Variants in DTHD1 observed in about 807,000 individuals in gnomAD.
DTHD1 encodes death domain-containing protein 1.
A neutral mutation model predicts 74.8 loss-of-function variants in DTHD1; 59 were observed. That is an observed-to-expected ratio of 0.79 (90% CI 0.64 to 0.98). DTHD1 has a LOEUF of 0.98. Among genes scored for constraint, DTHD1 ranks in the 50% least tolerant of loss-of-function variants. The pLI, the probability that DTHD1 is intolerant of heterozygous loss-of-function variation, is 0.00. For missense variants in DTHD1, 1,051 were observed against 1,065.4 expected, an observed-to-expected ratio of 0.99 and a Z score of 0.19; for synonymous variants, 365 against 371.1, an observed-to-expected ratio of 0.98 and a Z score of 0.19.
At chr4:36,331,465 T>A (rs1161222338) in intron 8 of DTHD1, among the ~76,000 whole-genome samples, 2 of 152,132 alleles carry the variant, frequency 1.3e-5, no homozygotes, top group Non-Finnish European at 2.9e-5. Flanking sequence ...CTGGTAAAAA[T>A]CCATGCTAAA....
intron 9 of DTHD1, among the ~76,000 whole-genome samples, chr4:36,340,470 C>A (rs1759254383): frequency 6.6e-6 from 1 of 152,132 alleles, no homozygotes; most frequent in African/African-American, 2.4e-5. Context: ...AACATTAGGG[C>A]TTGGGTGCAG....
At chr4:36,305,553 A>G (rs1338124450) in intron 5 of DTHD1, among the ~76,000 whole-genome samples, 1 of 152,202 alleles carries the variant, frequency 6.6e-6, no homozygotes, top group African/African-American at 2.4e-5. Flanking sequence ...TATGGAAGCT[A>G]CAGTTCAAAA....
chr4:36,329,609 C>T (rs970363758), intron 8 of DTHD1, among the ~76,000 whole-genome samples: 8 of 152,208 alleles, frequency 5.3e-5, no homozygotes, highest in African/African-American at 1.9e-4. Flanking sequence ...TGATATGACT[C>T]ACAGCAAATA....
chr4:36,283,827 T>A (rs956486489), intron 1 of DTHD1, 149 bp from the exon 2 acceptor site: 29 of 613,194 alleles, frequency 4.7e-5, no homozygotes, highest in Non-Finnish European at 7.9e-5. Flanking sequence ...TACAATTACT[T>A]CTCCTTCAGG....
At chr4:36,322,970 C>T (rs182043422) in intron 8 of DTHD1, among the ~76,000 whole-genome samples, 9 of 152,218 alleles carry the variant, frequency 5.9e-5, no homozygotes, top group Admixed American at 5.9e-4. Flanking sequence ...TGACTATATG[C>T]CATTTGCTTA....
intron 8 of DTHD1, among the ~76,000 whole-genome samples, chr4:36,328,386 T>C (rs1354084550): frequency 2.0e-5 from 3 of 152,204 alleles, no homozygotes; most frequent in African/African-American, 4.8e-5. Flanking sequence ...TGTGTAATTA[T>C]AAGAAAGTTC....
chr4:36,282,079 G>C (rs1755434154), intron 1 of DTHD1, 50 bp downstream of exon 1: 1 of 1,458,586 alleles, frequency 6.9e-7, no homozygotes, highest in Non-Finnish European at 9.2e-7. Flanking sequence ...ATATTGATTA[G>C]GGCAAGATCT....
rs370084730 is a variant in DTHD1 at position 36,329,523 on chromosome 4, A to G, written c.2341-9589A>G. Among the ~76,000 whole-genome samples the G allele has an allele frequency of 3.4e-4, 52 of 152,340 alleles. No homozygotes were observed. The South Asian group carries it at 0.01, about 30-fold the overall frequency. Reference sequence around the variant, plus strand: ...GCTCCTTGCATTTTGTTTATGACTTATCATTCATACCCCCTAAAATGTTAT... The same window carrying G: ...GCTCCTTGCATTTTGTTTATGACTTGTCATTCATACCCCCTAAAATGTTAT... On this transcript the variant is annotated intron_variant, in intron 8 of 9. Transcript: ENST00000639862.
intron 8 of DTHD1, among the ~76,000 whole-genome samples, chr4:36,328,556 T>C (rs1300839994): frequency 2.0e-5 from 3 of 152,172 alleles, no homozygotes; most frequent in Non-Finnish European, 4.4e-5. Context: ...AGAGAAAATA[T>C]ACAATGAACC....
intron 5 of DTHD1, among the ~76,000 whole-genome samples, chr4:36,302,133 T>A (rs1756813667): frequency 6.6e-6 from 1 of 152,228 alleles, no homozygotes; most frequent in African/African-American, 2.4e-5. Flanking sequence ...GAGAGTTTTC[T>A]TGTTTTTCCT....
intron 8 of DTHD1, among the ~76,000 whole-genome samples, chr4:36,325,582 G>T (rs1178366469): frequency 2.0e-5 from 3 of 152,158 alleles, no homozygotes; most frequent in East Asian, 3.8e-4. Context: ...AAGATAGCAA[G>T]AAAAGAACAG....
intron 7 of DTHD1, among the ~76,000 whole-genome samples, chr4:36,310,063 G>A (rs1757305396): frequency 6.6e-6 from 1 of 152,124 alleles, no homozygotes; most frequent in South Asian, 2.1e-4. Context: ...GGTATTCCAT[G>A]GTGTATATGT....
chr4:36,296,843 G>A (rs1756431938), intron 5 of DTHD1, among the ~76,000 whole-genome samples: 2 of 151,868 alleles, frequency 1.3e-5, no homozygotes, highest in Non-Finnish European at 2.9e-5. Context: ...AGGGGGATTA[G>A]GGGTGCCAAC....
intron 8 of DTHD1, among the ~76,000 whole-genome samples, chr4:36,326,423 A>G (rs112463312): frequency 5.3e-5 from 8 of 151,288 alleles, no homozygotes; most frequent in Non-Finnish European, 8.8e-5. Flanking sequence ...TGAAAAAAAA[A>G]AAAACCTTAA....
At position 36,347,134 on chromosome 4, in the gene DTHD1, CTG is replaced by C. The variant is rs1381117590; in HGVS notation, c.*3312_*3313del. 6.6e-6 allele frequency among the ~76,000 whole-genome samples: 1 copy of C among 152,048 alleles called. No homozygotes were observed. Among genetic ancestry groups the C allele is most frequent in the Admixed American group, 6.6e-5 (1 of 15,262 alleles). On this transcript the variant is annotated 3_prime_UTR_variant, in exon 10 of 10. Coordinates refer to ENST00000639862, the MANE Select transcript of DTHD1 (RefSeq NM_001170700.3). ...ATTATATATACAGTTTTTAAAATTA[CTG>C]TCTTATTAAATTATGAGTTTTTAAT...
chr4:36,344,004 G>T lies in DTHD1; in HGVS notation c.*180G>T. 1 of 641,208 alleles carries T rather than the reference G, an allele frequency of 1.6e-6. No individual in the cohort carries two copies. The allele number at this position is 641,208 out of a possible 1,614,324, so 39.7% of individuals were successfully genotyped here. On this transcript the variant is annotated 3_prime_UTR_variant, in exon 10 of 10. Transcript: ENST00000639862. The stretch of plus-strand genomic sequence containing the variant: ...GATCAGATAATAGAAAGCATTCCTG[G>T]GTGTGAGCGCTCCTCTCTGGTTGAG...
chr4:36,281,647 C>G lies in DTHD1; in HGVS notation c.-112C>G. On this transcript the variant is annotated 5_prime_UTR_variant, in exon 1 of 10. Transcript: ENST00000639862. ...ATGTTGTGAGAAAGTGCTGGGCTAG[C>G]TGACTCGGATCATCTCCTAGAGTTT... 1 of 1,231,274 alleles carries G rather than the reference C, an allele frequency of 8.1e-7. No homozygotes were observed. Among genetic ancestry groups the G allele is most frequent in the South Asian group, 4.2e-5 (1 of 23,700 alleles). 76.3% of individuals were successfully genotyped at this position (1,231,274 alleles called of 1,614,324 possible). A position where few individuals can be genotyped will look rare whatever the true frequency, so the allele number is the denominator to read the frequency against.
At chr4:36,292,690 T>C (rs1287830306) in intron 3 of DTHD1, among the ~76,000 whole-genome samples, 1 of 152,242 alleles carries the variant, frequency 6.6e-6, no homozygotes, top group Non-Finnish European at 1.5e-5. Flanking sequence ...AATGGTAGAC[T>C]ATTTTCCATT....
chr4:36,288,923 A>G (rs7699531), intron 2 of DTHD1, among the ~76,000 whole-genome samples: 27,506 of 152,102 alleles, frequency 0.18, 3,011 homozygotes, highest in Non-Finnish European at 0.24. Context: ...TTTCTGAATT[A>G]TTTTTATCAC....
Sources: allele counts gnomAD v4.1 joint callset (sites outside exome capture counted in the v4.1 genomes callset), GRCh38; gene constraint gnomAD v4.1.1; transcripts MANE v1.5; gene names NCBI Gene and HGNC (gene_info 2026-07-23, HGNC 2026-07-21).